The following TVP23B variants were observed in gnomAD, a reference collection of about 807,000 sequenced individuals.
TVP23B encodes trans-golgi network vesicle protein 23 homolog B.
In TVP23B, 10 loss-of-function variants were observed where a neutral mutation model predicts 30.6. The observed-to-expected ratio is 0.33, with a 90% CI of 0.20 to 0.55. The LOEUF (loss-of-function observed/expected upper bound fraction) is 0.55, where lower values mean the gene tolerates loss of function less well. Among genes scored for constraint, TVP23B ranks in the 20% least tolerant of loss-of-function variants. The pLI is 0.91. For missense variants in TVP23B, 153 were observed against 243.2 expected (o/e 0.63, Z 2.47); for synonymous variants, 67 against 83.1 (o/e 0.81, Z 1.06).
intron 1 of TVP23B, 56 bp downstream of exon 1, chr17:18,781,361 G>T (rs2035804009): frequency 7.1e-6 from 11 of 1,554,786 alleles, no homozygotes; most frequent in Non-Finnish European, 9.6e-6. Context: ...GGCTCTGCAG[G>T]TTCCGTGGGA....
In TVP23B at chr17:18,788,198, G is replaced by A. The variant is rs142141709; in HGVS notation, c.13-1155G>A. Reference sequence around the variant, plus strand: ...TACAAAAAATTAGCCAGGCATGGTGGCACGCGCCTGTAGTCCCAGCTACTT... The same window carrying A: ...TACAAAAAATTAGCCAGGCATGGTGACACGCGCCTGTAGTCCCAGCTACTT... On this transcript the variant is annotated intron_variant, in intron 1 of 6. Coordinates refer to ENST00000307767, the MANE Select transcript of TVP23B (RefSeq NM_016078.6). Among the ~76,000 whole-genome samples, 1,098 of 151,972 alleles carry A rather than the reference G, an allele frequency of 7.2e-3. 15 individuals carry two copies. The highest frequency in any genetic ancestry group is 0.025 in the African/African-American group (1,023 of 41,418).
intron 4 of TVP23B, among the ~76,000 whole-genome samples, chr17:18,797,870 A>T (rs922783676): frequency 3.9e-5 from 6 of 152,186 alleles, no homozygotes; most frequent in African/African-American, 1.4e-4. Flanking sequence ...TACAGAACAG[A>T]ATCCTTTGAG....
At chr17:18,805,145 G>A (rs1358658870) in intron 6 of TVP23B, among the ~76,000 whole-genome samples, 8 of 145,240 alleles carry the variant, frequency 5.5e-5, no homozygotes, top group African/African-American at 2.0e-4. Flanking sequence ...CTGGAGTGCA[G>A]TGGCGCGATC....
intron 1 of TVP23B, among the ~76,000 whole-genome samples, chr17:18,784,230 T>C (rs1490299191): frequency 6.6e-6 from 1 of 152,242 alleles, no homozygotes; most frequent in Non-Finnish European, 1.5e-5. Context: ...TAAAGACTTG[T>C]ATCATATATG....
Position 18,805,655 on chromosome 17 carries a change from C to T in TVP23B, c.*88C>T. ...TTTTAGAGCTTAGTCCATGTTGCAACGAGGAGTGTTGGCTTTGTTTTTCCA... is the reference window on the plus strand; with the variant it reads ...TTTTAGAGCTTAGTCCATGTTGCAATGAGGAGTGTTGGCTTTGTTTTTCCA... On this transcript the variant is annotated 3_prime_UTR_variant, in exon 7 of 7. Transcript: ENST00000307767. The T allele has an allele frequency of 1.3e-5, 20 of 1,509,422 alleles. No homozygotes were observed. Among genetic ancestry groups the T allele is most frequent in the East Asian group, 2.4e-5 (1 of 42,254 alleles). 93.5% of individuals were successfully genotyped at this position (1,509,422 alleles called of 1,614,324 possible). A position where few individuals can be genotyped will look rare whatever the true frequency, so the allele number is the denominator to read the frequency against.
intron 1 of TVP23B, among the ~76,000 whole-genome samples, chr17:18,785,874 T>C (rs1012057905): frequency 6.6e-6 from 1 of 152,004 alleles, no homozygotes; most frequent in South Asian, 2.1e-4. Context: ...GCTTAGGTAC[T>C]GTATAAATTT....
At chr17:18,783,337 C>T (rs1020601313) in intron 1 of TVP23B, among the ~76,000 whole-genome samples, 3 of 152,080 alleles carry the variant, frequency 2.0e-5, no homozygotes, top group Admixed American at 1.3e-4. Flanking sequence ...AGCTCCTGAC[C>T]TCAGGTGATC....
chr17:18,794,878 T>A (rs547651627), intron 3 of TVP23B, among the ~76,000 whole-genome samples: 1 of 152,136 alleles, frequency 6.6e-6, no homozygotes, highest in African/African-American at 2.4e-5. Flanking sequence ...CCGTTTATGC[T>A]TCTGGTTTTA....
rs1459138361 is a variant in TVP23B at position 18,799,922 on chromosome 17, G to T, written c.462+979G>T. On this transcript the variant is annotated intron_variant, in intron 5 of 6. Transcript: ENST00000307767. ...ATTCATACTTTCCTTCTTTGGATTT[G>T]GAAGCTTATTGGAAGCTTATTGTCT... Among the ~76,000 whole-genome samples the T allele has an allele frequency of 4.6e-5, 7 of 151,926 alleles. No individual in the cohort carries two copies. In the East Asian group the frequency reaches 9.7e-4, roughly 21 times the overall value.
rs965071215 is a variant in TVP23B at position 18,789,376 on chromosome 17, T to C, written c.36T>C (p.Asp12=). ...AGGATAGTAATGATGACACTGAAGATGTTTCACTGTTTGATGCGGAAGAGG... is the reference window on the plus strand; with the variant it reads ...AGGATAGTAATGATGACACTGAAGACGTTTCACTGTTTGATGCGGAAGAGG... ...LQQDSNDDTE[D]VSLFDAEEET... The change falls in exon 2 of 7, where the codon GAT becomes GAC. Residue 12 remains aspartate (D), a synonymous_variant. Transcript: ENST00000307767. The C allele has an allele frequency of 1.2e-6, 2 of 1,614,012 alleles. No homozygotes were observed. Among genetic ancestry groups the C allele is most frequent in the East Asian group, 4.5e-5 (2 of 44,888 alleles).
At chr17:18,788,570 T>C (rs1280552774) in intron 1 of TVP23B, among the ~76,000 whole-genome samples, 1 of 151,866 alleles carries the variant, frequency 6.6e-6, no homozygotes, top group Non-Finnish European at 1.5e-5. Context: ...TCACCTGAGG[T>C]CAGGAGTTCA....
At position 18,791,484 on chromosome 17, in the gene TVP23B, A is replaced by C. The variant is rs1176266281; in HGVS notation, c.240+444A>C. ...ATACCTACCTTTTGAAAAGGCTCCT[A>C]TGGATGCTTTAAGGCAGTGTTTCTC... On this transcript the variant is annotated intron_variant, in intron 3 of 6. Coordinates refer to ENST00000307767, the MANE Select transcript of TVP23B (RefSeq NM_016078.6). 4.6e-5 allele frequency among the ~76,000 whole-genome samples: 7 copies of C among 151,762 alleles called. 1 individual carries two copies. In the South Asian group the frequency reaches 1.5e-3, roughly 32 times the overall value.
At position 18,790,778 on chromosome 17, in the gene TVP23B, T is replaced by C. The variant is rs571211309; in HGVS notation, c.96-118T>C. ...TTTGCTTCATCCTACTAAAGTCACC[T>C]CTTTTATTTTGACAAAACTCTTCAC... On this transcript the variant is annotated intron_variant, in intron 2 of 6. Transcript: ENST00000307767. 4.0e-6 allele frequency: 6 copies of C among 1,488,180 alleles called. No individual in the cohort carries two copies. In the African/African-American group the frequency reaches 7.1e-5, roughly 18 times the overall value. 92.2% of individuals were successfully genotyped at this position (1,488,180 alleles called of 1,614,324 possible).
chr17:18,789,548 C>T (rs1444706397), intron 2 of TVP23B, 113 bp downstream of exon 2: 8 of 1,329,222 alleles, frequency 6.0e-6, no homozygotes, highest in Non-Finnish European at 8.3e-6. Flanking sequence ...CTTGTGAATA[C>T]TGCATGTTGC....
chr17:18,785,385 C>CTTTT (rs61537943), intron 1 of TVP23B, among the ~76,000 whole-genome samples: 52 of 137,760 alleles, frequency 3.8e-4, no homozygotes, highest in Non-Finnish European at 5.3e-4. Flanking sequence ...AGCTATTTGT[C>CTTTT]TTTTTTTTTT....
chr17:18,805,660 A>C lies in TVP23B; in HGVS notation c.*93A>C. 1.3e-6 allele frequency: 2 copies of C among 1,504,862 alleles called. No individual in the cohort carries two copies. The highest frequency in any genetic ancestry group is 2.7e-5 in the South Asian group (2 of 74,928). The allele number at this position is 1,504,862 out of a possible 1,614,324, so 93.2% of individuals were successfully genotyped here. On this transcript the variant is annotated 3_prime_UTR_variant, in exon 7 of 7. Coordinates refer to ENST00000307767, the MANE Select transcript of TVP23B (RefSeq NM_016078.6). ...GAGCTTAGTCCATGTTGCAACGAGG[A>C]GTGTTGGCTTTGTTTTTCCACTTAA...
chr17:18,797,678 C>T lies in TVP23B; in HGVS notation c.330+10C>T. 2 of 1,565,842 alleles carry T rather than the reference C, an allele frequency of 1.3e-6. No individual in the cohort carries two copies. Among genetic ancestry groups the T allele is most frequent in the Non-Finnish European group, 1.7e-6 (2 of 1,160,126 alleles). Reference sequence around the variant, plus strand: ...GTTTGAATCTAGAAAGGTAAAGTGCCTTTTTTGTTTTAAATAATGTTATCA... The same window carrying T: ...GTTTGAATCTAGAAAGGTAAAGTGCTTTTTTTGTTTTAAATAATGTTATCA... On this transcript the variant is annotated intron_variant, in intron 4 of 6. Transcript: ENST00000307767.
intron 5 of TVP23B, among the ~76,000 whole-genome samples, chr17:18,801,864 A>C (rs2036172134): frequency 6.6e-6 from 1 of 152,206 alleles, no homozygotes; most frequent in Admixed American, 6.5e-5. Context: ...CTACTGCTCA[A>C]GGTCATCACC....
At chr17:18,789,222 G>A in intron 1 of TVP23B, 131 bp from the exon 2 acceptor site, 1 of 1,386,336 alleles carries the variant, frequency 7.2e-7, no homozygotes. Flanking sequence ...CCTTTTCCTA[G>A]GTTTTGAATT....
Sources: gnomAD v4.1 joint callset for allele counts (sites outside exome capture counted in the v4.1 genomes callset) on GRCh38, gnomAD v4.1.1 for gene constraint, MANE v1.5 for transcripts, NCBI Gene and HGNC (gene_info 2026-07-23, HGNC 2026-07-21) for gene names.